IQGAP3: variants seen among roughly 807,000 people sequenced by gnomAD.
The protein encoded by IQGAP3 is ras GTPase-activating-like protein IQGAP3.
In IQGAP3, 165 loss-of-function variants were observed where a neutral mutation model predicts 208.2. That is an observed-to-expected ratio of 0.79 (90% confidence interval 0.70 to 0.90). The LOEUF (loss-of-function observed/expected upper bound fraction) is 0.90, where lower values mean the gene tolerates loss of function less well. Ranked by LOEUF, IQGAP3 falls within the 40% of genes least tolerant of loss-of-function variation. IQGAP3 has a pLI of 0.00. For synonymous variants in IQGAP3, 703 were observed against 803.6 expected, an observed-to-expected ratio of 0.87 and a Z score of 2.12; for missense variants, 1,811 against 2,043.1, an observed-to-expected ratio of 0.89 and a Z score of 2.19.
At chr1:156,566,626 C>T in intron 2 of IQGAP3, 80 bp from the exon 3 acceptor site, 1 of 1,420,298 alleles carries the variant, frequency 7.0e-7, no homozygotes, top group South Asian at 1.3e-5. Context: ...TCCCTCTGTC[C>T]CTCCTTTTAA....
chr1:156,529,320 A>G (rs1048420631), intron 34 of IQGAP3, among the ~76,000 whole-genome samples: 3 of 152,216 alleles, frequency 2.0e-5, no homozygotes, highest in Admixed American at 6.5e-5. Flanking sequence ...AGTAAAAGAA[A>G]GTTGCAAGGA....
intron 19 of IQGAP3, among the ~76,000 whole-genome samples, chr1:156,546,306 G>A (rs982256217): frequency 1.3e-5 from 2 of 152,068 alleles, no homozygotes; most frequent in African/African-American, 4.8e-5. Flanking sequence ...TCCTTTCCCC[G>A]GGCAAGAGGC....
intron 23 of IQGAP3, among the ~76,000 whole-genome samples, chr1:156,540,434 CAGACTT>C (rs1198493745): frequency 6.6e-6 from 1 of 152,128 alleles, no homozygotes; most frequent in African/African-American, 2.4e-5. Context: ...AATGAGAAAA[CAGACTT>C]AGAAGTGAAA....
intron 2 of IQGAP3, among the ~76,000 whole-genome samples, chr1:156,567,554 G>A (rs77214500): frequency 0.024 from 3,702 of 152,258 alleles, 56 homozygotes; most frequent in Middle Eastern, 0.061. Flanking sequence ...GGTTGTATGA[G>A]GGAGAGATTA....
In IQGAP3 at chr1:156,526,075, T is replaced by C. The variant is rs888819847; in HGVS notation, c.*411A>G. ...CAGTGGGAGGTAGGGATGGGGAGCC[T>C]GGCCCTGGCTTTGTGGGAGTGCAGA... On this transcript the variant is annotated 3_prime_UTR_variant, in exon 38 of 38. Coordinates refer to ENST00000361170, the MANE Select transcript of IQGAP3 (RefSeq NM_178229.5). 7 of 193,340 alleles carry C rather than the reference T, an allele frequency of 3.6e-5. No homozygotes were observed. Among genetic ancestry groups the C allele is most frequent in the African/African-American group, 1.6e-4 (7 of 43,518 alleles). 12.0% of individuals were successfully genotyped at this position (193,340 alleles called of 1,614,324 possible).
intron 34 of IQGAP3, among the ~76,000 whole-genome samples, 168 bp from the exon 35 acceptor site, chr1:156,529,250 G>A (rs570858841): frequency 1.5e-4 from 23 of 152,318 alleles, no homozygotes; most frequent in Admixed American, 1.4e-3. Flanking sequence ...AATCCTCAAG[G>A]CATGTCCTCA....
rs1171566 is a variant in IQGAP3 at position 156,530,177 on chromosome 1, T to C, written c.4332A>G (p.Leu1444=). 587,916 of 1,610,230 alleles carry C rather than the reference T, an allele frequency of 0.37. 120,349 individuals carry two copies. The highest frequency in any genetic ancestry group is 0.76 in the African/African-American group (56,828 of 74,946). The change falls in exon 34 of 38, where the codon CTA becomes CTG. Residue 1444 remains leucine, a synonymous_variant. Coordinates refer to ENST00000361170, the MANE Select transcript of IQGAP3 (RefSeq NM_178229.5). ...AEKQRRVLRN[L]RRLEALGLVS... Reference sequence around the variant, plus strand: ...CCAACCCCAGGGCTTCAAGTCGGCGTAGGTTCCGCAGGACGCGCCGCTGCT... The same window carrying C: ...CCAACCCCAGGGCTTCAAGTCGGCGCAGGTTCCGCAGGACGCGCCGCTGCT...
At chr1:156,561,754 C>A in intron 10 of IQGAP3, 84 bp downstream of exon 10, 1 of 1,358,844 alleles carries the variant, frequency 7.4e-7, no homozygotes, top group Non-Finnish European at 1.0e-6. Context: ...TACAAAGGAC[C>A]AACAGTGGTG....
At chr1:156,553,778 T>C (rs1286963621) in intron 13 of IQGAP3, among the ~76,000 whole-genome samples, 1 of 152,022 alleles carries the variant, frequency 6.6e-6, no homozygotes, top group Non-Finnish European at 1.5e-5. Flanking sequence ...ATGGGGTTTC[T>C]CTACATTGGT....
At chr1:156,539,141 C>T in intron 25 of IQGAP3, 108 bp from the exon 26 acceptor site, 1 of 983,766 alleles carries the variant, frequency 1.0e-6, no homozygotes, top group East Asian at 2.6e-5. Context: ...GGTGTCCCCG[C>T]TCTTAAGGAA....
intron 23 of IQGAP3, 101 bp from the exon 24 acceptor site, chr1:156,540,091 C>G: frequency 7.3e-7 from 1 of 1,361,996 alleles, no homozygotes; most frequent in Non-Finnish European, 1.0e-6. Context: ...GGGCTTTCTG[C>G]TGTTCAAGGA....
chr1:156,544,109 C>T lies in IQGAP3; in HGVS notation c.2460+43G>A, dbSNP rs1255844121. 5.0e-6 allele frequency: 8 copies of T among 1,613,172 alleles called. No homozygotes were observed. The African/African-American group carries it at 8.0e-5, about 16-fold the overall frequency. ...GCTGTCCTTGCTCTAGTCTCATGGG[C>T]AAAGGTTGGGTATGTGGGCAGGGGG... On this transcript the variant is annotated intron_variant, in intron 21 of 37. Transcript: ENST00000361170.
intron 1 of IQGAP3, among the ~76,000 whole-genome samples, chr1:156,571,495 A>T (rs1223320801): frequency 1.3e-5 from 2 of 152,220 alleles, no homozygotes; most frequent in Non-Finnish European, 2.9e-5. Flanking sequence ...CCAAATACAG[A>T]TTTGAAAACA....
Position 156,563,596 on chromosome 1 carries a change from G to T in IQGAP3, c.576C>A (p.Ile192=), listed in dbSNP as rs758132637. 2.5e-6 allele frequency: 4 copies of T among 1,613,054 alleles called. No individual in the cohort carries two copies. Among genetic ancestry groups the T allele is most frequent in the Non-Finnish European group, 3.4e-6 (4 of 1,179,732 alleles). ...AGAGCTCATTGGCCAAGATGCCCCCGATCTTGCTGAAGGCAGGCAGCTGGA... is the reference window on the plus strand; with the variant it reads ...AGAGCTCATTGGCCAAGATGCCCCCTATCTTGCTGAAGGCAGGCAGCTGGA... ...YGLQLPAFSK[I]GGILANELSV... is the part of the protein sequence containing the mutation. The change falls in exon 7 of 38, where the codon ATC becomes ATA. Residue 192 remains isoleucine (I), a synonymous_variant. Coordinates refer to ENST00000361170, the MANE Select transcript of IQGAP3 (RefSeq NM_178229.5).
intron 27 of IQGAP3, among the ~76,000 whole-genome samples, chr1:156,536,207 C>T (rs185836171): frequency 3.4e-3 from 518 of 152,212 alleles, no homozygotes; most frequent in Non-Finnish European, 5.1e-3. Context: ...ACATCCTCAT[C>T]TTGCCCTGGG....
At chr1:156,535,115 C>T in intron 28 of IQGAP3, 48 bp downstream of exon 28, 2 of 1,361,600 alleles carry the variant, frequency 1.5e-6, no homozygotes, top group Non-Finnish European at 2.1e-6. Context: ...CAGGTACCAG[C>T]AAAGCAAAGG....
chr1:156,531,106 G>T, intron 33 of IQGAP3, 54 bp downstream of exon 33: 1 of 1,236,318 alleles, frequency 8.1e-7, no homozygotes, highest in African/African-American at 1.5e-5. Flanking sequence ...GGTGCAGGTG[G>T]GATGAGGTGG....
At position 156,564,625 on chromosome 1, in the gene IQGAP3, G is replaced by T. The variant is rs781448684; in HGVS notation, c.427C>A (p.His143Asn). 2.5e-6 allele frequency: 4 copies of T among 1,612,142 alleles called. No homozygotes were observed. The East Asian group carries it at 8.9e-5, about 36-fold the overall frequency. ...TTTGAGGTCTCTCACCTGAGAGCAT[G>T]GATGCAGTAGACTACCCGGGGCATG... ...KNMPRVVYCI[H>N]ALSLFLFRLG... The change falls in exon 5 of 38, where the codon CAT becomes AAT. Residue 143 changes from histidine (H) to asparagine (N), a missense_variant. By Grantham distance (68) the His-to-Asn change is moderately conservative. Transcript: ENST00000361170.
At chr1:156,538,764 A>G in intron 26 of IQGAP3, 45 bp downstream of exon 26, 1 of 1,524,650 alleles carries the variant, frequency 6.6e-7, no homozygotes, top group Non-Finnish European at 9.1e-7. Flanking sequence ...GCTGATCAAG[A>G]CACAGCTGAT....
Sources: gnomAD v4.1 joint callset for allele counts (sites outside exome capture counted in the v4.1 genomes callset) on GRCh38, gnomAD v4.1.1 for gene constraint, MANE v1.5 for transcripts, NCBI Gene and HGNC (gene_info 2026-07-23, HGNC 2026-07-21) for gene names.